ASIC2: variants seen among roughly 807,000 people sequenced by gnomAD.
ASIC2 encodes acid-sensing ion channel 2.
ASIC2 carries 25 observed loss-of-function variants against 57.3 expected under a neutral mutation model. The ratio of observed to expected loss-of-function variants is 0.44; its 90% CI spans 0.32 to 0.61. The LOEUF (loss-of-function observed/expected upper bound fraction) is 0.61. Ranked by LOEUF, ASIC2 falls within the 20% of genes least tolerant of loss-of-function variation. The pLI is 0.06. For synonymous variants in ASIC2, 319 were observed against 307.5 expected, an observed-to-expected ratio of 1.04 and a Z score of -0.39; for missense variants, 641 against 738.1, an observed-to-expected ratio of 0.87 and a Z score of 1.52.
chr17:33,581,118 T>C (rs922468185), intron 1 of ASIC2: 1 of 152,244 alleles, frequency 6.6e-6, no homozygotes, highest in African/African-American at 2.4e-5. Context: ...GCCTGGATTA[T>C]CTGGGTGGGC....
At chr17:34,028,774 C>T (rs1334639804) in intron 1 of ASIC2, among the ~76,000 whole-genome samples, 1 of 152,158 alleles carries the variant, frequency 6.6e-6, no homozygotes, top group East Asian at 1.9e-4. Context: ...CGATTTCCTG[C>T]TCCTCTCACT....
At chr17:33,692,837 G>A (rs554925818) in intron 1 of ASIC2, among the ~76,000 whole-genome samples, 2 of 152,274 alleles carry the variant, frequency 1.3e-5, no homozygotes, top group East Asian at 3.9e-4. Context: ...AAAATTTTCA[G>A]CTCCATTATA....
In ASIC2 at chr17:33,545,440, C is replaced by T. The variant is rs75875474; in HGVS notation, c.556-433373G>A. 1.1e-3 allele frequency among the ~76,000 whole-genome samples: 171 copies of T among 152,248 alleles called. No homozygotes were observed. The East Asian group carries it at 0.033, about 29-fold the overall frequency. On this transcript the variant is annotated intron_variant, in intron 1 of 9. Transcript: ENST00000359872. Reference sequence around the variant, plus strand: ...TTGAAAAAAATTGTGCATCTTAGAGCTCATTAAATGCAGCATATTTTACCC... The same window carrying T: ...TTGAAAAAAATTGTGCATCTTAGAGTTCATTAAATGCAGCATATTTTACCC...
chr17:34,135,834 A>G (rs911690063), intron 1 of ASIC2, among the ~76,000 whole-genome samples: 2 of 152,182 alleles, frequency 1.3e-5, no homozygotes, highest in African/African-American at 2.4e-5. Context: ...CCTTTATAGT[A>G]TCTTTCATAT....
chr17:33,434,214 A>G (rs559050470), intron 1 of ASIC2, among the ~76,000 whole-genome samples: 1 of 152,186 alleles, frequency 6.6e-6, no homozygotes, highest in East Asian at 1.9e-4. Flanking sequence ...GGCATAGAAT[A>G]TCTATTACAT....
At chr17:33,702,834 C>T (rs1908745346) in intron 1 of ASIC2, among the ~76,000 whole-genome samples, 2 of 152,162 alleles carry the variant, frequency 1.3e-5, no homozygotes, top group African/African-American at 4.8e-5. Flanking sequence ...TTCATTCACT[C>T]AACAAATATT....
chr17:33,243,411 T>C (rs1458666647), intron 1 of ASIC2, among the ~76,000 whole-genome samples: 1 of 152,020 alleles, frequency 6.6e-6, no homozygotes, highest in Admixed American at 6.6e-5. Context: ...TGTGGGTGAA[T>C]GAAGTTGGGG....
rs968661161 is a variant in ASIC2, at chr17:33,412,160, A to G, written c.556-300093T>C. Among the ~76,000 whole-genome samples, 5 of 152,200 alleles carry G rather than the reference A, an allele frequency of 3.3e-5. No individual in the cohort carries two copies. In the East Asian group the frequency reaches 7.7e-4, roughly 23 times the overall value. The stretch of plus-strand genomic sequence containing the variant: ...CTGAGCCTTCGTTGGGCCAGTTTTC[A>G]TCGCTCCTTGATCCTATTGCTTTTT... On this transcript the variant is annotated intron_variant, in intron 1 of 9. Coordinates refer to the ASIC2 transcript ENST00000359872.
At position 33,316,506 on chromosome 17, in the gene ASIC2, T is replaced by C. The variant is rs146398858; in HGVS notation, c.556-204439A>G. Among the ~76,000 whole-genome samples the C allele has an allele frequency of 4.5e-3, 687 of 152,364 alleles. 7 individuals carry two copies. The highest frequency in any genetic ancestry group is 0.016 in the African/African-American group (649 of 41,584). Reference sequence around the variant, plus strand: ...TTTCGCCATGTTGGCCGGGCTGGTCTTGAACTCCTGACCTCAAGTCATCCG... The same window carrying C: ...TTTCGCCATGTTGGCCGGGCTGGTCCTGAACTCCTGACCTCAAGTCATCCG... On this transcript the variant is annotated intron_variant, in intron 1 of 9. Transcript: ENST00000359872.
At chr17:34,006,585 T>C (rs1297017692) in intron 1 of ASIC2, 1 of 152,228 alleles carries the variant, frequency 6.6e-6, no homozygotes, top group East Asian at 1.9e-4. Context: ...TTATTTTTCT[T>C]AAGGTATTTT....
At chr17:33,256,424 C>A (rs1194129044) in intron 1 of ASIC2, among the ~76,000 whole-genome samples, 1 of 152,134 alleles carries the variant, frequency 6.6e-6, no homozygotes, top group Non-Finnish European at 1.5e-5. Context: ...GTGCTGGGGT[C>A]TTTTTATTAT....
At chr17:33,154,989 G>C (rs116609877) in intron 1 of ASIC2, among the ~76,000 whole-genome samples, 1,955 of 152,324 alleles carry the variant, frequency 0.013, 36 homozygotes, top group African/African-American at 0.045. Context: ...CAGTCTCTGG[G>C]CTGTCTTTCA....
At chr17:33,192,931 C>T (rs1474711297) in intron 1 of ASIC2, among the ~76,000 whole-genome samples, 1 of 152,066 alleles carries the variant, frequency 6.6e-6, no homozygotes, top group Admixed American at 6.5e-5. Context: ...ATACCTCTGG[C>T]CATACATATT....
intron 3 of ASIC2, among the ~76,000 whole-genome samples, chr17:33,033,994 T>G (rs1317173209): frequency 6.6e-6 from 1 of 151,898 alleles, no homozygotes; most frequent in Non-Finnish European, 1.5e-5. Flanking sequence ...GATGAGATGA[T>G]CAGCTGCAGA....
At chr17:33,434,431 AG>A (rs1911533443) in intron 1 of ASIC2, among the ~76,000 whole-genome samples, 1 of 152,210 alleles carries the variant, frequency 6.6e-6, no homozygotes, top group Non-Finnish European at 1.5e-5. Context: ...CTGCACTTTA[AG>A]AAGAAAAAAT....
At chr17:33,422,819 G>A (rs905537105) in intron 1 of ASIC2, among the ~76,000 whole-genome samples, 4 of 152,174 alleles carry the variant, frequency 2.6e-5, no homozygotes, top group Non-Finnish European at 5.9e-5. Context: ...CTGCTGCTAA[G>A]GGCTGCTAAG....
Position 33,336,670 on chromosome 17 carries a change from C to T in ASIC2, c.556-224603G>A, listed in dbSNP as rs565437478. Reference sequence around the variant, plus strand: ...AGGTTAGGCGAGTTGCTCAAGGCTGCCTGTGTCTGGCGGTGATCAGCATTT... The same window carrying T: ...AGGTTAGGCGAGTTGCTCAAGGCTGTCTGTGTCTGGCGGTGATCAGCATTT... On this transcript the variant is annotated intron_variant, in intron 1 of 9. Transcript: ENST00000359872. Among the ~76,000 whole-genome samples the T allele has an allele frequency of 9.8e-5, 15 of 152,304 alleles. No individual in the cohort carries two copies. In the South Asian group the frequency reaches 2.9e-3, roughly 29 times the overall value.
intron 1 of ASIC2, among the ~76,000 whole-genome samples, chr17:33,308,160 A>G (rs1195055355): frequency 6.6e-6 from 1 of 152,262 alleles, no homozygotes; most frequent in African/African-American, 2.4e-5. Context: ...TGCCTGGGAT[A>G]GAAAACTAAG....
At chr17:34,100,992 T>C (rs935416465) in intron 1 of ASIC2, among the ~76,000 whole-genome samples, 2 of 152,078 alleles carry the variant, frequency 1.3e-5, no homozygotes, top group African/African-American at 4.8e-5. Context: ...TAAAAGGGGG[T>C]TGATAATAAT....
Sources: gnomAD v4.1 joint callset for allele counts (sites outside exome capture counted in the v4.1 genomes callset) on GRCh38, gnomAD v4.1.1 for gene constraint, MANE v1.5 for transcripts, NCBI Gene and HGNC (gene_info 2026-07-23, HGNC 2026-07-21) for gene names.